ATE1: variants seen among roughly 807,000 people sequenced by gnomAD.
ATE1 encodes the protein arginyl-tRNA--protein transferase 1.
Under a neutral mutation model 70.5 loss-of-function variants are expected in ATE1, and 36 were observed. The ratio of observed to expected loss-of-function variants is 0.51; its 90% CI spans 0.39 to 0.67. The LOEUF is 0.67. Among genes scored for constraint, ATE1 ranks in the 30% least tolerant of loss-of-function variants. The pLI is 0.00. For synonymous variants in ATE1, 232 were observed against 219.3 expected (o/e 1.06, Z -0.51); for missense variants, 593 against 629.5 (o/e 0.94, Z 0.62).
chr10:121,760,036 G>T (rs1203295153), intron 11 of ATE1, among the ~76,000 whole-genome samples: 2 of 152,204 alleles, frequency 1.3e-5, no homozygotes, highest in African/African-American at 2.4e-5. Context: ...TTACAGAACA[G>T]TTCTCTTTGC....
intron 10 of ATE1, among the ~76,000 whole-genome samples, chr10:121,821,892 C>T (rs1367110027): frequency 6.6e-6 from 1 of 152,014 alleles, no homozygotes; most frequent in East Asian, 1.9e-4. Context: ...TGTACCACCA[C>T]TCCCTACACA....
intron 11 of ATE1, among the ~76,000 whole-genome samples, chr10:121,774,063 G>A (rs1446146154): frequency 2.0e-5 from 3 of 152,084 alleles, no homozygotes; most frequent in South Asian, 4.1e-4. Flanking sequence ...AATGTTTTAA[G>A]AAAACATATT....
At chr10:121,889,646 A>C (rs575264509) in intron 7 of ATE1, among the ~76,000 whole-genome samples, 1 of 152,180 alleles carries the variant, frequency 6.6e-6, no homozygotes, top group East Asian at 1.9e-4. Context: ...CTACAAAAGG[A>C]AAAAAATTAA....
intron 10 of ATE1, among the ~76,000 whole-genome samples, chr10:121,827,004 GTTGA>G (rs1948047213): frequency 6.9e-6 from 1 of 144,888 alleles, no homozygotes; most frequent in Non-Finnish European, 1.5e-5. Context: ...TTTCTTTACT[GTTGA>G]TGGGCAATAA....
At chr10:121,774,960 CA>C (rs1462752499) in intron 11 of ATE1, among the ~76,000 whole-genome samples, 1 of 152,080 alleles carries the variant, frequency 6.6e-6, no homozygotes, top group Admixed American at 6.5e-5. Context: ...AGAGTATGTC[CA>C]AATACAAGCC....
At chr10:121,928,255 G>C, upstream of ATE1, 1 of 1,414,578 alleles carries the variant, frequency 7.1e-7, no homozygotes, top group Non-Finnish European at 9.3e-7. Context: ...GGGAAGGGAA[G>C]CGGGAGTCGG....
Position 121,913,802 on chromosome 10 carries a change from C to T in ATE1, c.325G>A (p.Gly109Arg). Residue 109 changes from glycine (G) to arginine (R), a missense_variant, in exon 4 of 12, where the codon GGA becomes AGA. Coordinates refer to ENST00000224652, the MANE Select transcript of ATE1 (RefSeq NM_001001976.3). The part of the protein sequence containing the change: ...KFLAKGEVPK[G>R]SCEDEPMDST... ...CAGCCCATCTTACCCTCACAACTTC[C>T]TTTGGGAACCTCCCCTTTAGCTAGA... The T allele has an allele frequency of 1.2e-6, 2 of 1,611,852 alleles. No homozygotes were observed. The highest frequency in any genetic ancestry group is 1.7e-6 in the Non-Finnish European group (2 of 1,178,402).
intron 5 of ATE1, among the ~76,000 whole-genome samples, chr10:121,906,274 TC>T (rs1951186378): frequency 6.6e-6 from 1 of 152,032 alleles, no homozygotes; most frequent in Non-Finnish European, 1.5e-5. Context: ...ACGCCCGTAA[TC>T]CCAACACTTT....
At chr10:121,797,216 A>G (rs555957957) in intron 10 of ATE1, among the ~76,000 whole-genome samples, 19 of 152,344 alleles carry the variant, frequency 1.2e-4, no homozygotes, top group Non-Finnish European at 2.4e-4. Flanking sequence ...TCCCTCAGTT[A>G]AACTGTAACT....
intron 8 of ATE1, among the ~76,000 whole-genome samples, chr10:121,855,402 GTTTGTTAGTCCT>G (rs1459715312): frequency 6.6e-6 from 1 of 152,162 alleles, no homozygotes; most frequent in Non-Finnish European, 1.5e-5. Context: ...AGAGAATCTG[GTTTGTTAGTCCT>G]TTTGTTTGTC....
chr10:121,843,865 G>C (rs1236177801), intron 8 of ATE1, among the ~76,000 whole-genome samples: 1 of 152,024 alleles, frequency 6.6e-6, no homozygotes, highest in East Asian at 1.9e-4. Context: ...GGTGAACTTA[G>C]GTTTGTCAAT....
chr10:121,909,294 A>T (rs1186456988), intron 5 of ATE1, among the ~76,000 whole-genome samples: 1 of 152,286 alleles, frequency 6.6e-6, no homozygotes, highest in African/African-American at 2.4e-5. Context: ...TGGCCGTAAG[A>T]GATTTTTTAA....
chr10:121,827,795 ACT>A (rs1289128774), intron 10 of ATE1, among the ~76,000 whole-genome samples: 4 of 152,266 alleles, frequency 2.6e-5, no homozygotes, highest in Non-Finnish European at 5.9e-5. Context: ...TAATGTAATG[ACT>A]ACAGAATATA....
intron 11 of ATE1, among the ~76,000 whole-genome samples, chr10:121,772,574 C>T (rs563642917): frequency 8.7e-4 from 133 of 152,298 alleles, no homozygotes; most frequent in African/African-American, 3.0e-3. Context: ...CGCCTCACAG[C>T]CTGAAGTAGT....
intron 3 of ATE1, among the ~76,000 whole-genome samples, chr10:121,915,267 A>C (rs989470724): frequency 3.3e-5 from 5 of 152,224 alleles, no homozygotes; most frequent in African/African-American, 1.2e-4. Context: ...AAAAGTAAAA[A>C]TATGACAGGA....
At chr10:121,918,062 A>G (rs1030195197) in intron 3 of ATE1, among the ~76,000 whole-genome samples, 4 of 152,198 alleles carry the variant, frequency 2.6e-5, no homozygotes, top group African/African-American at 9.7e-5. Context: ...GGCTGGGCCC[A>G]GTGGCTCAAC....
At chr10:121,920,194 A>C (rs1224079489) in intron 3 of ATE1, among the ~76,000 whole-genome samples, 1 of 152,070 alleles carries the variant, frequency 6.6e-6, no homozygotes, top group African/African-American at 2.4e-5. Context: ...TTCTATCAAA[A>C]AAAAAGGTTC....
intron 11 of ATE1, among the ~76,000 whole-genome samples, chr10:121,755,199 C>T (rs1590215354): frequency 1.3e-5 from 2 of 152,298 alleles, no homozygotes; most frequent in South Asian, 4.1e-4. Context: ...CAGGGAAAAT[C>T]TGTAACACTT....
intron 7 of ATE1, among the ~76,000 whole-genome samples, chr10:121,894,671 A>G (rs1437295236): frequency 6.6e-6 from 1 of 152,136 alleles, no homozygotes; most frequent in East Asian, 1.9e-4. Context: ...AGGCTGAGGC[A>G]GGCAGATCAC....
Sources: gnomAD v4.1 joint callset for allele counts (sites outside exome capture counted in the v4.1 genomes callset) on GRCh38, gnomAD v4.1.1 for gene constraint, MANE v1.5 for transcripts, NCBI Gene and HGNC (gene_info 2026-07-23, HGNC 2026-07-21) for gene names.